Variants in THEMIS observed in about 807,000 individuals in gnomAD.
The protein encoded by THEMIS is thymocyte selection associated.
A neutral mutation model predicts 52.6 loss-of-function variants in THEMIS; 37 were observed. The ratio of observed to expected loss-of-function variants is 0.70; its 90% CI spans 0.54 to 0.93. The LOEUF is 0.93. Among genes scored for constraint, THEMIS ranks in the 40% least tolerant of loss-of-function variants. The probability of loss-of-function intolerance (pLI) is 0.00; values close to 1 mark genes in which losing one functional copy is unlikely to be tolerated. For missense variants in THEMIS, 808 were observed against 763.1 expected, an observed-to-expected ratio of 1.06 and a Z score of -0.69; for synonymous variants, 292 against 272.7, an observed-to-expected ratio of 1.07 and a Z score of -0.70.
rs538247829 is a variant in THEMIS, at chr6:127,907,375, G to A, written c.-149-6294C>T. Among the ~76,000 whole-genome samples the A allele has an allele frequency of 1.7e-4, 7 of 42,288 alleles. No homozygotes were observed. The East Asian group carries it at 3.0e-3, about 18-fold the overall frequency. The allele number at this position is 42,288 out of a possible 152,430, so 27.7% of individuals were successfully genotyped here. Reference sequence around the variant, plus strand: ...TTTTTTTTTTTTTTTTTGCATGAGCGACATTTCAGGGATATCCTGCTGTTG... The same window carrying A: ...TTTTTTTTTTTTTTTTTGCATGAGCAACATTTCAGGGATATCCTGCTGTTG... On this transcript the variant is annotated intron_variant, in intron 1 of 6. Transcript: ENST00000368250.
At position 127,812,980 on chromosome 6, in the gene THEMIS, G is replaced by C. The variant is rs999860117; in HGVS notation, c.1661C>G (p.Pro554Arg). 1.2e-6 allele frequency: 2 copies of C among 1,614,062 alleles called. No homozygotes were observed. The highest frequency in any genetic ancestry group is 1.7e-6 in the Non-Finnish European group (2 of 1,180,016). ...TGAGGGGTGTTTCGGAGGGCGAGGT[G>C]GGGGATGTGAGGCTGAGCTTTCATA... ...RRYESSASHP[P>R]PRPPKHPSVE... Residue 554 changes from proline to arginine, a missense_variant, in exon 4 of 6, where the codon CCA (proline) becomes CGA (arginine). Transcript: ENST00000368248.
intron 1 of THEMIS, among the ~76,000 whole-genome samples, chr6:127,879,846 T>G (rs527417429): frequency 2.0e-5 from 3 of 152,124 alleles, no homozygotes; most frequent in African/African-American, 4.8e-5. Flanking sequence ...CCCGGCTGCC[T>G]AGGCCACTTC....
At chr6:127,898,353 T>G (rs2114496276) in intron 1 of THEMIS, among the ~76,000 whole-genome samples, 2 of 151,942 alleles carry the variant, frequency 1.3e-5, no homozygotes, top group East Asian at 1.9e-4. Flanking sequence ...TCTTTCCAAC[T>G]TAATCTACCA....
chr6:127,801,425 A>G (rs893975249), intron 4 of THEMIS, among the ~76,000 whole-genome samples: 1 of 152,194 alleles, frequency 6.6e-6, no homozygotes, highest in Non-Finnish European at 1.5e-5. Flanking sequence ...CTGACCTGCA[A>G]CAAAAGGTAC....
chr6:127,734,649 T>C (rs995862820), intron 4 of THEMIS, among the ~76,000 whole-genome samples: 4 of 151,750 alleles, frequency 2.6e-5, no homozygotes, highest in Non-Finnish European at 5.9e-5. Flanking sequence ...GGCAGGCCGA[T>C]CACGAAGCCT....
chr6:127,864,597 C>A (rs2114351024), intron 1 of THEMIS, among the ~76,000 whole-genome samples: 1 of 152,224 alleles, frequency 6.6e-6, no homozygotes, highest in South Asian at 2.1e-4. Flanking sequence ...AAATACCCTA[C>A]TCAGCATCCC....
chr6:127,852,491 A>G (rs1779463204), intron 2 of THEMIS, among the ~76,000 whole-genome samples: 1 of 151,586 alleles, frequency 6.6e-6, no homozygotes, highest in Non-Finnish European at 1.5e-5. Flanking sequence ...AACAAGTCTC[A>G]ATACATTTAA....
chr6:127,893,069 T>C (rs1305801548), intron 1 of THEMIS, among the ~76,000 whole-genome samples: 1 of 152,246 alleles, frequency 6.6e-6, no homozygotes, highest in Middle Eastern at 3.4e-3. Flanking sequence ...TCCACATTTA[T>C]GTAGTTTGGG....
intron 1 of THEMIS, among the ~76,000 whole-genome samples, chr6:127,862,622 G>T (rs1028577629): frequency 1.7e-4 from 26 of 151,460 alleles, no homozygotes; most frequent in Admixed American, 1.4e-3. Flanking sequence ...GTTTCACCTT[G>T]TTGGCCAGGC....
chr6:127,739,874 C>A (rs1583218399), intron 4 of THEMIS, among the ~76,000 whole-genome samples: 1 of 152,128 alleles, frequency 6.6e-6, no homozygotes, highest in African/African-American at 2.4e-5. Flanking sequence ...TATGAATAGT[C>A]AAAAATACAG....
chr6:127,841,703 T>C (rs1779052583), intron 2 of THEMIS, among the ~76,000 whole-genome samples: 2 of 100,318 alleles, frequency 2.0e-5, no homozygotes, highest in African/African-American at 7.9e-5. Context: ...AATCTGATCA[T>C]GAACTAAAAA....
At chr6:127,729,414 G>T (rs917026650) in intron 4 of THEMIS, among the ~76,000 whole-genome samples, 1 of 152,144 alleles carries the variant, frequency 6.6e-6, no homozygotes, top group Admixed American at 6.6e-5. Context: ...AAAGCTCACA[G>T]TGGAAATCCA....
chr6:127,708,094 T>A (rs2114440466), downstream of THEMIS: 1 of 152,224 alleles, frequency 6.6e-6, no homozygotes, highest in South Asian at 2.1e-4. Flanking sequence ...AGCAGCCCCC[T>A]CCTTAGTGAA....
At chr6:127,817,104 A>G (rs933235669) in intron 3 of THEMIS, among the ~76,000 whole-genome samples, 10 of 152,302 alleles carry the variant, frequency 6.6e-5, no homozygotes, top group African/African-American at 1.9e-4. Context: ...GTTAATTTAT[A>G]TTATGAACAT....
chr6:127,710,625 G>A (rs2114449951), intron 5 of THEMIS, among the ~76,000 whole-genome samples: 1 of 152,014 alleles, frequency 6.6e-6, no homozygotes, highest in East Asian at 1.9e-4. Flanking sequence ...ACCTGGCATT[G>A]AGACAACATC....
intron 2 of THEMIS, among the ~76,000 whole-genome samples, chr6:127,854,335 A>C (rs1221627738): frequency 6.6e-6 from 1 of 151,838 alleles, no homozygotes; most frequent in Non-Finnish European, 1.5e-5. Flanking sequence ...CCCTCTGGCC[A>C]CAAAACCTAA....
At chr6:127,910,522 C>A (rs1781385337) in intron 1 of THEMIS, among the ~76,000 whole-genome samples, 1 of 152,004 alleles carries the variant, frequency 6.6e-6, no homozygotes, top group South Asian at 2.1e-4. Flanking sequence ...TGAATAGAGC[C>A]AGGAAATGGA....
chr6:127,727,563 G>A (rs1405999911), intron 4 of THEMIS, among the ~76,000 whole-genome samples: 1 of 152,002 alleles, frequency 6.6e-6, no homozygotes, highest in African/African-American at 2.4e-5. Context: ...AATCATCTTA[G>A]CCTTCTGAGT....
chr6:127,824,093 A>T (rs916636621), intron 3 of THEMIS, among the ~76,000 whole-genome samples: 3 of 152,180 alleles, frequency 2.0e-5, no homozygotes. Context: ...CACAGGGATT[A>T]TTCAAATGTC....
Sources: gnomAD v4.1 joint callset for allele counts (sites outside exome capture counted in the v4.1 genomes callset) on GRCh38, gnomAD v4.1.1 for gene constraint, MANE v1.5 for transcripts, NCBI Gene and HGNC (gene_info 2026-07-23, HGNC 2026-07-21) for gene names.